APBA3: variants seen among roughly 807,000 people sequenced by gnomAD.
APBA3 encodes amyloid beta precursor protein binding family A member 3.
Under a neutral mutation model 55.9 loss-of-function variants are expected in APBA3, and 45 were observed. That is an observed-to-expected ratio of 0.80 (90% CI 0.63 to 1.03). APBA3 has a LOEUF of 1.03. APBA3 is among the 50% of genes least tolerant of loss of function. APBA3 has a pLI of 0.00. For missense variants in APBA3, 865 were observed against 820.3 expected, an observed-to-expected ratio of 1.05 and a Z score of -0.67; for synonymous variants, 370 against 353.3, an observed-to-expected ratio of 1.05 and a Z score of -0.53.
chr19:3,759,858 G>T lies in APBA3; in HGVS notation c.407C>A (p.Pro136His). Residue 136 changes from proline (P) to histidine (H), a missense_variant, in exon 2 of 11, where the codon CCC becomes CAC. By Grantham distance (77) the Pro-to-His change is moderately conservative (BLOSUM62 -2). Transcript: ENST00000316757. ...GTCCTCAGGGGGCTGCAACAGTCGG[G>T]GGGCAGGCTCTAGAGGCTCTTCAGG... ...TGPEEPLEPA[P>H]RLLQPPEDPD... is the part of the protein sequence containing the mutation. 1 of 1,612,668 alleles carries T rather than the reference G, an allele frequency of 6.2e-7. No homozygotes were observed. Among genetic ancestry groups the T allele is most frequent in the Non-Finnish European group, 8.5e-7 (1 of 1,179,856 alleles).
intron 1 of APBA3, among the ~76,000 whole-genome samples, chr19:3,760,953 T>A (rs2037139473): frequency 6.6e-6 from 1 of 151,994 alleles, no homozygotes; most frequent in African/African-American, 2.4e-5. Context: ...AACTTGAGGT[T>A]TCCCGGCTGC....
chr19:3,752,879 C>T lies in APBA3; in HGVS notation c.1123G>A (p.Ala375Thr), dbSNP rs200682478. 212 of 1,613,234 alleles carry T rather than the reference C, an allele frequency of 1.3e-4. No individual in the cohort carries two copies. The highest frequency in any genetic ancestry group is 1.5e-4 in the Non-Finnish European group (180 of 1,179,860). ...SQVGVHPSPG[A>T]CHLHNGDLDH... The stretch of plus-strand genomic sequence containing the variant: ...AGGTCCCCATTATGGAGGTGGCAGG[C>T]GCCTGGGCTCGGGTGCACGCCCACC... Residue 375 changes from alanine (A) to threonine (T), a missense_variant, in exon 7 of 11, where the codon GCC becomes ACC. Transcript: ENST00000316757.
At chr19:3,751,724 T>C (rs1048596783) in intron 8 of APBA3, 171 bp from the exon 9 acceptor site, 9 of 788,640 alleles carry the variant, frequency 1.1e-5, no homozygotes, top group Non-Finnish European at 1.3e-5. Flanking sequence ...CCGGTGGGCA[T>C]GGGGTCGAAG....
chr19:3,758,462 G>A (rs563992547), intron 3 of APBA3, among the ~76,000 whole-genome samples: 37 of 151,338 alleles, frequency 2.4e-4, no homozygotes, highest in Non-Finnish European at 4.4e-4. Context: ...GTCTTGCTAC[G>A]TTGCCCAGGC....
At position 3,759,599 on chromosome 19, in the gene APBA3, C is replaced by A. The variant is rs763080424; in HGVS notation, c.578G>T (p.Ser193Ile). 32 of 1,600,186 alleles carry A rather than the reference C, an allele frequency of 2.0e-5. 1 individual carries two copies. In the East Asian group the frequency reaches 4.9e-4, roughly 25 times the overall value. Residue 193 changes from serine to isoleucine, a missense_variant and splice_region_variant, in exon 3 of 11, where the codon AGC becomes ATC. By Grantham distance (142) the Ser-to-Ile change is moderately radical (BLOSUM62 -2). Transcript: ENST00000316757. The part of the protein sequence containing the change: ...TPEEPPAGAQ[S>I]PETLASYPAP... The stretch of plus-strand genomic sequence containing the variant: ...AGGGTAGGAAGCCAGGGTCTCGGGG[C>A]TCTGGAAGAAGATAGAGGAGGGGCA...
intron 3 of APBA3, among the ~76,000 whole-genome samples, chr19:3,759,161 G>A (rs547110350): frequency 6.6e-6 from 1 of 152,288 alleles, no homozygotes; most frequent in East Asian, 1.9e-4. Flanking sequence ...CCTGGGAGAT[G>A]GAGGTTGCAG....
Position 3,759,974 on chromosome 19 carries a change from A to C in APBA3, c.291T>G (p.Ala97=). The C allele has an allele frequency of 6.2e-7, 1 of 1,610,252 alleles. No individual in the cohort carries two copies. The highest frequency in any genetic ancestry group is 8.5e-7 in the Non-Finnish European group (1 of 1,179,076). ...CGGCAGACAGGAGCCCGTGGGCATC[A>C]GCAATCTCCTGGGAGGCCAGGCCAT... ...TGHGLASQEI[A]DAHGLLSAEA... Residue 97 remains alanine (A), a synonymous_variant, in exon 2 of 11, where the codon GCT becomes GCG. Transcript: ENST00000316757.
Position 3,759,603 on chromosome 19 carries a change from G to A in APBA3, c.577-3C>T. 6.2e-7 allele frequency: 1 copy of A among 1,600,914 alleles called. No homozygotes were observed. Among genetic ancestry groups the A allele is most frequent in the Non-Finnish European group, 8.5e-7 (1 of 1,175,296 alleles). ...TAGGAAGCCAGGGTCTCGGGGCTCT[G>A]GAAGAAGATAGAGGAGGGGCAGGAC... On this transcript the variant is annotated splice_region_variant and splice_polypyrimidine_tract_variant and intron_variant, in intron 2 of 10. Coordinates refer to ENST00000316757, the MANE Select transcript of APBA3 (RefSeq NM_004886.4).
chr19:3,759,851 C>A lies in APBA3; in HGVS notation c.414G>T (p.Leu138=), dbSNP rs747585227. 7 of 1,612,670 alleles carry A rather than the reference C, an allele frequency of 4.3e-6. No individual in the cohort carries two copies. In the South Asian group the frequency reaches 7.7e-5, roughly 18 times the overall value. ...PEEPLEPAPR[L]LQPPEDPDED... ...CATCTGGGTCCTCAGGGGGCTGCAA[C>A]AGTCGGGGGGCAGGCTCTAGAGGCT... Residue 138 remains leucine, a synonymous_variant, in exon 2 of 11, where the codon CTG becomes CTT. Coordinates refer to ENST00000316757, the MANE Select transcript of APBA3 (RefSeq NM_004886.4).
In APBA3 at chr19:3,759,964, C is replaced by G; in HGVS notation, c.301G>C (p.Gly101Arg). Residue 101 changes from glycine to arginine, a missense_variant, in exon 2 of 11, where the codon GGG becomes CGG. Physicochemically the swap from Gly to Arg is moderately radical, Grantham distance 125 (BLOSUM62 -2). Coordinates refer to ENST00000316757, the MANE Select transcript of APBA3 (RefSeq NM_004886.4). ...CGGCCAGCTTCGGCAGACAGGAGCC[C>G]GTGGGCATCAGCAATCTCCTGGGAG... ...LASQEIADAH[G>R]LLSAEAGRDD... The G allele has an allele frequency of 6.2e-7, 1 of 1,610,008 alleles. No individual in the cohort carries two copies. The highest frequency in any genetic ancestry group is 8.5e-7 in the Non-Finnish European group (1 of 1,179,050).
At chr19:3,752,117 G>A (rs2037013397) in intron 8 of APBA3, among the ~76,000 whole-genome samples, 2 of 152,192 alleles carry the variant, frequency 1.3e-5, no homozygotes, top group South Asian at 4.1e-4. Flanking sequence ...GGGAGGCTGA[G>A]GAAGGAGATT....
At chr19:3,751,830 C>T (rs1394957678) in intron 8 of APBA3, 5 of 469,842 alleles carry the variant, frequency 1.1e-5, no homozygotes, top group East Asian at 7.9e-5. Flanking sequence ...AGAGGCTGCA[C>T]GGACTGTGGC....
chr19:3,751,036 AC>A lies in APBA3; in HGVS notation c.1717del (p.Val573CysfsTer44). The part of the protein sequence containing the change: ...YRLLTGQEQP[V>X]YL ...CAAGGGATGAGGTGGTCACAGGTAC[AC>A]GGGCTGCTCCTGGCCTGTAAGGAGG... On this transcript the variant is annotated frameshift_variant, in exon 11 of 11. Coordinates refer to ENST00000316757, the MANE Select transcript of APBA3 (RefSeq NM_004886.4). LOFTEE classifies it high-confidence loss of function. 2 of 1,560,500 alleles carry A rather than the reference AC, an allele frequency of 1.3e-6. No individual in the cohort carries two copies. The highest frequency in any genetic ancestry group is 1.7e-6 in the Non-Finnish European group (2 of 1,152,044).
chr19:3,759,447 C>T, intron 3 of APBA3, 114 bp downstream of exon 3: 1 of 1,099,158 alleles, frequency 9.1e-7, no homozygotes, highest in Non-Finnish European at 1.3e-6. Flanking sequence ...AAACCACCCT[C>T]AGAGGCTCCC....
chr19:3,760,917 AAAAC>A (rs1326546455), intron 1 of APBA3, among the ~76,000 whole-genome samples: 3 of 152,132 alleles, frequency 2.0e-5, no homozygotes, highest in African/African-American at 4.8e-5. Flanking sequence ...TGTCTTAAAA[AAAAC>A]AAACAAACCC....
In APBA3 at chr19:3,754,235, G is replaced by A. The variant is rs774374922; in HGVS notation, c.722C>T (p.Thr241Met). The change falls in exon 4 of 11, where the codon ACG becomes ATG. Residue 241 changes from threonine (T) to methionine (M), a missense_variant. Coordinates refer to ENST00000316757, the MANE Select transcript of APBA3 (RefSeq NM_004886.4). Reference sequence around the variant, plus strand: ...GGCCTCCCGGGCCTGGGCCATGCGCGTGCTGGTGGGCGGGTTCCGTTCCGA... The same window carrying A: ...GGCCTCCCGGGCCTGGGCCATGCGCATGCTGGTGGGCGGGTTCCGTTCCGA... Reference protein sequence around the residue: ...LVSERNPPTSTRMAQAREAMD... With the variant: ...LVSERNPPTSMRMAQAREAMD... 40 of 1,544,538 alleles carry A rather than the reference G, an allele frequency of 2.6e-5. No homozygotes were observed. Among genetic ancestry groups the A allele is most frequent in the African/African-American group, 4.1e-5 (3 of 72,628 alleles).
At chr19:3,754,487 C>G in intron 3 of APBA3, 147 bp from the exon 4 acceptor site, 1 of 1,088,564 alleles carries the variant, frequency 9.2e-7, no homozygotes, top group Non-Finnish European at 1.3e-6. Flanking sequence ...GCCCACTGTT[C>G]TAGAACCATC....
intron 6 of APBA3, chr19:3,753,235 G>C: frequency 1.8e-6 from 1 of 565,918 alleles, no homozygotes; most frequent in South Asian, 2.3e-5. Flanking sequence ...AGCTCCCTGC[G>C]CATGGGCTGT....
chr19:3,754,449 G>A (rs2037052580), intron 3 of APBA3, 109 bp from the exon 4 acceptor site: 3 of 1,410,786 alleles, frequency 2.1e-6, no homozygotes, highest in African/African-American at 2.9e-5. Context: ...CTAGCTGGTG[G>A]CTTAGCACTC....
Sources: allele counts gnomAD v4.1 joint callset (sites outside exome capture counted in the v4.1 genomes callset), GRCh38; gene constraint gnomAD v4.1.1; transcripts MANE v1.5; gene names NCBI Gene and HGNC (gene_info 2026-07-23, HGNC 2026-07-21).